The following MCU variants were observed in gnomAD, a reference collection of about 807,000 sequenced individuals.
MCU encodes calcium uniporter protein, mitochondrial.
MCU carries 12 observed loss-of-function variants against 45.2 expected under a neutral mutation model. That is an observed-to-expected ratio of 0.27 (90% confidence interval 0.17 to 0.43). The LOEUF (loss-of-function observed/expected upper bound fraction) is 0.43. MCU is among the 20% of genes least tolerant of loss of function. The probability of loss-of-function intolerance (pLI) is 1.00; values close to 1 mark genes in which losing one functional copy is unlikely to be tolerated. For synonymous variants in MCU, 160 were observed against 165.1 expected (o/e 0.97, Z 0.24); for missense variants, 324 against 436.7 (o/e 0.74, Z 2.30).
chr10:72,763,733 G>C (rs925835059), intron 1 of MCU, among the ~76,000 whole-genome samples: 16 of 152,136 alleles, frequency 1.1e-4, no homozygotes, highest in African/African-American at 1.7e-4. Flanking sequence ...GCTGTCTGGA[G>C]GGGGAATAGG....
chr10:72,846,974 G>C (rs960179619), intron 2 of MCU, among the ~76,000 whole-genome samples: 3 of 152,270 alleles, frequency 2.0e-5, no homozygotes, highest in African/African-American at 7.2e-5. Context: ...TCAGTGTATT[G>C]ATTTCCTTTT....
At chr10:72,717,210 C>G (rs117942997) in intron 1 of MCU, among the ~76,000 whole-genome samples, 2,258 of 148,248 alleles carry the variant, frequency 0.015, 15 homozygotes, top group Non-Finnish European at 0.026. Flanking sequence ...GAGTATCGGT[C>G]TTAATTGGAG....
intron 6 of MCU, among the ~76,000 whole-genome samples, chr10:72,876,572 C>T (rs1012174340): frequency 6.6e-6 from 1 of 152,174 alleles, no homozygotes; most frequent in African/African-American, 2.4e-5. Context: ...TTTCTTCCCT[C>T]ATATCCCCAT....
chr10:72,794,495 C>A (rs1171842476), intron 1 of MCU, among the ~76,000 whole-genome samples: 1 of 152,110 alleles, frequency 6.6e-6, no homozygotes, highest in East Asian at 1.9e-4. Context: ...TAAAAGTAGC[C>A]TGTTTTTATT....
intron 1 of MCU, among the ~76,000 whole-genome samples, chr10:72,800,266 T>C (rs1844318721): frequency 6.6e-6 from 1 of 152,244 alleles, no homozygotes; most frequent in African/African-American, 2.4e-5. Context: ...TTCTGATGGT[T>C]CAGTGTATAG....
chr10:72,805,109 TTCTTTCTTTC>T (rs1844416621), intron 1 of MCU, among the ~76,000 whole-genome samples: 2 of 112,292 alleles, frequency 1.8e-5, no homozygotes, highest in Non-Finnish European at 3.5e-5. Context: ...TTCTCTTTCT[TTCTTTCTTTC>T]TTTCTTTCTT....
chr10:72,849,570 T>C (rs1845175984), intron 2 of MCU, among the ~76,000 whole-genome samples: 1 of 152,108 alleles, frequency 6.6e-6, no homozygotes, highest in Non-Finnish European at 1.5e-5. Flanking sequence ...GGACGTGAGA[T>C]TTCCTAGAGA....
At chr10:72,736,928 A>T (rs751832680) in intron 1 of MCU, among the ~76,000 whole-genome samples, 27 of 152,220 alleles carry the variant, frequency 1.8e-4, no homozygotes, top group Admixed American at 7.9e-4. Context: ...TTGCTAAAAG[A>T]GCTTTCACAG....
chr10:72,821,647 T>C (rs992346372), intron 1 of MCU, among the ~76,000 whole-genome samples: 1 of 152,178 alleles, frequency 6.6e-6, no homozygotes, highest in Non-Finnish European at 1.5e-5. Flanking sequence ...CAACAATTTC[T>C]TGAAAATCTT....
chr10:72,745,346 A>G (rs902147257), intron 1 of MCU, among the ~76,000 whole-genome samples: 1 of 152,120 alleles, frequency 6.6e-6, no homozygotes, highest in African/African-American at 2.4e-5. Context: ...ATCGTGGCTC[A>G]GCCTCCTGAG....
At chr10:72,786,041 C>T (rs1432132768) in intron 1 of MCU, among the ~76,000 whole-genome samples, 5 of 152,166 alleles carry the variant, frequency 3.3e-5, no homozygotes, top group Admixed American at 6.5e-5. Context: ...TGTGAAAAAA[C>T]GGTATTATGC....
chr10:72,768,108 GAAAACAAAA>G (rs1329466361), intron 1 of MCU, among the ~76,000 whole-genome samples: 2 of 104,436 alleles, frequency 1.9e-5, no homozygotes, highest in Non-Finnish European at 5.4e-5. Flanking sequence ...AACCAGAGAG[GAAAACAAAA>G]AAAACAAAAA....
rs150479704 is a variant in MCU at position 72,736,858 on chromosome 10, C to T, written c.150+44557C>T. On this transcript the variant is annotated intron_variant, in intron 1 of 7. Coordinates refer to ENST00000373053, the MANE Select transcript of MCU (RefSeq NM_138357.3). ...GGACAATCTTGGACATTGTTGCGTG[C>T]TGTCAACATAAAGCTGTTTGGTGTT... is the stretch of plus-strand genomic sequence containing the variant. Among the ~76,000 whole-genome samples the T allele has an allele frequency of 1.2e-4, 18 of 152,276 alleles. No individual in the cohort carries two copies. In the East Asian group the frequency reaches 3.1e-3, roughly 26 times the overall value.
chr10:72,787,529 A>G (rs966235375), intron 1 of MCU, among the ~76,000 whole-genome samples: 1 of 152,064 alleles, frequency 6.6e-6, no homozygotes. Flanking sequence ...TCAACCTCCC[A>G]AAGTGCTGAG....
intron 1 of MCU, among the ~76,000 whole-genome samples, chr10:72,820,131 G>A (rs1159809751): frequency 2.0e-5 from 3 of 152,072 alleles, no homozygotes; most frequent in Non-Finnish European, 2.9e-5. Context: ...TTACATTTCT[G>A]CCTCAAAGAA....
At chr10:72,793,704 C>T (rs1220941356) in intron 1 of MCU, among the ~76,000 whole-genome samples, 2 of 151,936 alleles carry the variant, frequency 1.3e-5, no homozygotes, top group Admixed American at 1.3e-4. Context: ...GCTGTAGGCT[C>T]GAATATATCT....
At chr10:72,737,761 C>A (rs1215192712) in intron 1 of MCU, among the ~76,000 whole-genome samples, 1 of 152,022 alleles carries the variant, frequency 6.6e-6, no homozygotes, top group African/African-American at 2.4e-5. Context: ...CTTAAGTGAT[C>A]CTCACCGCCC....
intron 1 of MCU, among the ~76,000 whole-genome samples, chr10:72,728,248 A>T (rs1408303497): frequency 2.6e-5 from 4 of 152,208 alleles, no homozygotes; most frequent in Non-Finnish European, 5.9e-5. Flanking sequence ...ATATAGGTCA[A>T]TTACCTGCTT....
Position 72,834,433 on chromosome 10 carries a change from G to A in MCU, c.220+5G>A. The A allele has an allele frequency of 6.2e-7, 1 of 1,610,690 alleles. No individual in the cohort carries two copies. The highest frequency in any genetic ancestry group is 1.3e-5 in the African/African-American group (1 of 74,994). On this transcript the variant is annotated splice_donor_5th_base_variant and intron_variant, in intron 2 of 7. Coordinates refer to ENST00000373053, the MANE Select transcript of MCU (RefSeq NM_138357.3). Reference sequence around the variant, plus strand: ...GCACTGTTGTGCCCTCTGATGGTGAGTTTCAGCAAATCCACCTTTTATGTC... The same window carrying A: ...GCACTGTTGTGCCCTCTGATGGTGAATTTCAGCAAATCCACCTTTTATGTC...
Sources: gnomAD v4.1 joint callset for allele counts (sites outside exome capture counted in the v4.1 genomes callset) on GRCh38, gnomAD v4.1.1 for gene constraint, MANE v1.5 for transcripts, NCBI Gene and HGNC (gene_info 2026-07-23, HGNC 2026-07-21) for gene names.